SLC2A13: variants seen among roughly 807,000 people sequenced by gnomAD.
The protein encoded by SLC2A13 is proton myo-inositol cotransporter.
Under a neutral mutation model 64.4 loss-of-function variants are expected in SLC2A13, and 32 were observed. That is an observed-to-expected ratio of 0.50 (90% CI 0.37 to 0.67). SLC2A13 has a LOEUF of 0.67. Among genes scored for constraint, SLC2A13 ranks in the 30% least tolerant of loss-of-function variants. The pLI, the probability that SLC2A13 is intolerant of heterozygous loss-of-function variation, is 0.00. For missense variants in SLC2A13, 743 were observed against 829.2 expected (o/e 0.90, Z 1.28); for synonymous variants, 338 against 327.1 (o/e 1.03, Z -0.36).
rs185232620 is a variant in SLC2A13, at chr12:40,057,330, A to T, written c.557-9120T>A. Among the ~76,000 whole-genome samples, 18 of 152,298 alleles carry T rather than the reference A, an allele frequency of 1.2e-4. 1 individual carries two copies. The highest frequency in any genetic ancestry group is 8.3e-4 in the South Asian group (4 of 4,822). ...ATAAATGAACTCAGGTATGGGTGCT[A>T]AAGCTGGAAACATCCTATACAATTT... On this transcript the variant is annotated intron_variant, in intron 1 of 9. Coordinates refer to ENST00000280871, the MANE Select transcript of SLC2A13 (RefSeq NM_052885.4).
chr12:40,010,425 T>C (rs1229919715), intron 3 of SLC2A13, among the ~76,000 whole-genome samples: 18 of 152,214 alleles, frequency 1.2e-4, no homozygotes, highest in Admixed American at 1.2e-3. Context: ...CATTCTTCCA[T>C]CTTGTGATGT....
Position 40,105,485 on chromosome 12 carries a change from C to G in SLC2A13, c.324G>C (p.Leu108=). The G allele has an allele frequency of 6.4e-7, 1 of 1,573,236 alleles. No homozygotes were observed. The highest frequency in any genetic ancestry group is 8.6e-7 in the Non-Finnish European group (1 of 1,160,294). Residue 108 remains leucine (L), a synonymous_variant, in exon 1 of 10, where the codon CTG becomes CTC. Transcript: ENST00000280871. The surrounding 1 kb of genome is among the most constrained non-coding windows in gnomAD (Gnocchi z 4.2). Reference sequence around the variant, plus strand: ...CGTCCAGACTGAGCTGCCGCTTGAGCAGCAGCATGGCCCCTGACACCACCC... The same window carrying G: ...CGTCCAGACTGAGCTGCCGCTTGAGGAGCAGCATGGCCCCTGACACCACCC... The part of the protein sequence containing the change: ...DTGVVSGAML[L]LKRQLSLDAL...
chr12:39,868,402 AC>A (rs1284636365), intron 5 of SLC2A13, among the ~76,000 whole-genome samples: 2 of 152,350 alleles, frequency 1.3e-5, no homozygotes, highest in Middle Eastern at 3.4e-3. Context: ...ACTCAAAAAA[AC>A]AAAATAATTT....
chr12:39,981,548 C>G (rs1946899128), intron 3 of SLC2A13, among the ~76,000 whole-genome samples: 1 of 148,560 alleles, frequency 6.7e-6, no homozygotes, highest in Non-Finnish European at 1.5e-5. Flanking sequence ...CTACAAACAC[C>G]TCTACGCAAA....
At chr12:39,984,867 G>C (rs1426658873) in intron 3 of SLC2A13, among the ~76,000 whole-genome samples, 1 of 152,136 alleles carries the variant, frequency 6.6e-6, no homozygotes. Flanking sequence ...TCATTAACTG[G>C]TAGAGATTTG....
intron 4 of SLC2A13, among the ~76,000 whole-genome samples, chr12:39,942,286 T>A (rs557021230): frequency 6.6e-6 from 1 of 152,334 alleles, no homozygotes; most frequent in Admixed American, 6.5e-5. Context: ...ATTAAATCTG[T>A]AGACTGCTTT....
At chr12:40,096,860 G>A (rs577791957) in intron 1 of SLC2A13, among the ~76,000 whole-genome samples, 2 of 152,140 alleles carry the variant, frequency 1.3e-5, no homozygotes, top group South Asian at 2.1e-4. Flanking sequence ...ATCATCTTGG[G>A]ATTTTCATTG....
chr12:39,934,317 G>T (rs1945882086), intron 4 of SLC2A13, among the ~76,000 whole-genome samples: 2 of 152,174 alleles, frequency 1.3e-5, no homozygotes, highest in Admixed American at 6.6e-5. Context: ...CCCAGAACAG[G>T]ACATATATGG....
intron 1 of SLC2A13, among the ~76,000 whole-genome samples, chr12:40,081,321 T>G (rs1938392848): frequency 6.6e-6 from 1 of 152,238 alleles, no homozygotes; most frequent in Non-Finnish European, 1.5e-5. Flanking sequence ...TCTCTCTGTC[T>G]TTCTCGAATG....
chr12:40,016,438 T>C (rs1947623123), intron 3 of SLC2A13, among the ~76,000 whole-genome samples: 1 of 152,180 alleles, frequency 6.6e-6, no homozygotes, highest in South Asian at 2.1e-4. Flanking sequence ...AAATATAAAC[T>C]AGCTAATGAG....
At chr12:39,973,828 A>C (rs1372666053) in intron 3 of SLC2A13, among the ~76,000 whole-genome samples, 1 of 152,342 alleles carries the variant, frequency 6.6e-6, no homozygotes, top group Admixed American at 6.5e-5. Flanking sequence ...AGTAGGCTCT[A>C]ATTTCCATGC....
At chr12:39,847,385 A>G (rs923051343) in intron 6 of SLC2A13, among the ~76,000 whole-genome samples, 2 of 151,994 alleles carry the variant, frequency 1.3e-5, no homozygotes, top group Non-Finnish European at 2.9e-5. Context: ...AAAAGAATAC[A>G]TTTCCCAGTT....
At chr12:40,054,355 CAAATA>C (rs1256196305) in intron 1 of SLC2A13, among the ~76,000 whole-genome samples, 3 of 151,924 alleles carry the variant, frequency 2.0e-5, no homozygotes, top group African/African-American at 4.8e-5. Flanking sequence ...AATCACTAAC[CAAATA>C]AAATAAAAGC....
intron 5 of SLC2A13, among the ~76,000 whole-genome samples, chr12:39,866,789 T>C (rs1264204849): frequency 1.3e-5 from 2 of 152,186 alleles, no homozygotes; most frequent in Non-Finnish European, 2.9e-5. Context: ...GAAAGATGTT[T>C]TAATGCTATA....
At chr12:39,829,864 C>T (rs1021885536) in intron 7 of SLC2A13, 5 of 518,038 alleles carry the variant, frequency 9.7e-6, no homozygotes, top group Non-Finnish European at 1.7e-5. Flanking sequence ...ATCCAAACTC[C>T]TATACCTTAT....
At chr12:40,067,495 T>C (rs138335039) in intron 1 of SLC2A13, among the ~76,000 whole-genome samples, 53 of 150,118 alleles carry the variant, frequency 3.5e-4, no homozygotes, top group African/African-American at 1.2e-3. Context: ...ATGAGTATAT[T>C]ATTTAAACAT....
chr12:39,888,220 A>T (rs1944517463), intron 4 of SLC2A13, among the ~76,000 whole-genome samples: 1 of 151,954 alleles, frequency 6.6e-6, no homozygotes, highest in Non-Finnish European at 1.5e-5. Context: ...GTTTTTATTT[A>T]TATTTATTTA....
At chr12:40,086,025 G>A (rs535311638) in intron 1 of SLC2A13, among the ~76,000 whole-genome samples, 15 of 152,188 alleles carry the variant, frequency 9.9e-5, no homozygotes, top group African/African-American at 3.1e-4. Context: ...TTTTAGTAGC[G>A]ACAGGGTTTC....
chr12:39,918,192 A>G (rs937541043), intron 4 of SLC2A13, among the ~76,000 whole-genome samples: 4 of 152,092 alleles, frequency 2.6e-5, no homozygotes, highest in Non-Finnish European at 5.9e-5. Flanking sequence ...GGATGTTCAC[A>G]CAGTCTGTAA....
Sources: gnomAD v4.1 joint callset for allele counts (sites outside exome capture counted in the v4.1 genomes callset) on GRCh38, gnomAD v4.1.1 for gene constraint, Gnocchi (gnomAD v3.1) non-coding constraint, MANE v1.5 for transcripts, NCBI Gene and HGNC (gene_info 2026-07-23, HGNC 2026-07-21) for gene names.